Variants in SLC24A2 observed in about 807,000 individuals in gnomAD.
SLC24A2 encodes sodium/potassium/calcium exchanger 2.
A neutral mutation model predicts 62.0 loss-of-function variants in SLC24A2; 36 were observed. The ratio of observed to expected loss-of-function variants is 0.58; its 90% CI spans 0.44 to 0.77. The LOEUF is 0.77. SLC24A2 is among the 30% of genes least tolerant of loss of function. The pLI, the probability that SLC24A2 is intolerant of heterozygous loss-of-function variation, is 0.00. For missense variants in SLC24A2, 846 were observed against 817.9 expected, an observed-to-expected ratio of 1.03 and a Z score of -0.42; for synonymous variants, 358 against 294.0, an observed-to-expected ratio of 1.22 and a Z score of -2.23.
the SLC24A2 span, among the ~76,000 whole-genome samples, chr9:19,910,528 G>A: frequency 6.6e-6 from 1 of 152,066 alleles, no homozygotes; most frequent in South Asian, 2.1e-4. Context: ...GTTCCTCAGT[G>A]GGGCCTCATA....
the SLC24A2 span, among the ~76,000 whole-genome samples, chr9:20,200,928 T>C: frequency 1.3e-5 from 2 of 152,218 alleles, no homozygotes; most frequent in African/African-American, 4.8e-5. Flanking sequence ...CTGTAGCTCA[T>C]TATATTTGAG....
chr9:19,661,175 C>G (rs1177514691), intron 2 of SLC24A2, among the ~76,000 whole-genome samples: 1 of 151,224 alleles, frequency 6.6e-6, no homozygotes, highest in Non-Finnish European at 1.5e-5. Context: ...CTTGCCATTA[C>G]CAGCACTTAG....
At chr9:19,892,881 A>G in the SLC24A2 span, among the ~76,000 whole-genome samples, 69 of 152,280 alleles carry the variant, frequency 4.5e-4, no homozygotes, top group African/African-American at 1.6e-3. Context: ...GTGCTTCTCC[A>G]AGGGCTGAAA....
the SLC24A2 span, among the ~76,000 whole-genome samples, chr9:20,152,560 A>T: frequency 1.3e-5 from 2 of 151,902 alleles, no homozygotes; most frequent in African/African-American, 4.8e-5. Flanking sequence ...ATGGAGTGCT[A>T]ACCTTCTTGC....
chr9:19,854,295 T>C, the SLC24A2 span, among the ~76,000 whole-genome samples: 7 of 152,196 alleles, frequency 4.6e-5, no homozygotes, highest in African/African-American at 1.7e-4. Flanking sequence ...TTCATGTCTC[T>C]ATCTCCTTCA....
the SLC24A2 span, among the ~76,000 whole-genome samples, chr9:19,894,334 A>T: frequency 6.6e-6 from 1 of 152,212 alleles, no homozygotes; most frequent in Non-Finnish European, 1.5e-5. Flanking sequence ...TCTGAGACAC[A>T]TGCTATAGGC....
chr9:19,562,951 A>T (rs920174307), intron 7 of SLC24A2, among the ~76,000 whole-genome samples: 7 of 152,140 alleles, frequency 4.6e-5, no homozygotes, highest in African/African-American at 1.4e-4. Context: ...AAAAGATTTT[A>T]AAAAATTAAC....
chr9:20,094,086 T>C, the SLC24A2 span, among the ~76,000 whole-genome samples: 2 of 152,236 alleles, frequency 1.3e-5, no homozygotes, highest in African/African-American at 4.8e-5. Flanking sequence ...TGTTGATATT[T>C]GGACTGATAG....
At chr9:20,105,348 C>T in the SLC24A2 span, among the ~76,000 whole-genome samples, 1 of 152,118 alleles carries the variant, frequency 6.6e-6, no homozygotes, top group Non-Finnish European at 1.5e-5. Flanking sequence ...CCAAGCGGAC[C>T]TAATAGACAT....
At chr9:20,274,220 G>C in the SLC24A2 span, among the ~76,000 whole-genome samples, 94 of 152,266 alleles carry the variant, frequency 6.2e-4, no homozygotes, top group Admixed American at 1.4e-3. Flanking sequence ...GTGGCTTCAA[G>C]GACTATGGAT....
the SLC24A2 span, among the ~76,000 whole-genome samples, chr9:20,122,730 AT>A: frequency 6.6e-6 from 1 of 152,062 alleles, no homozygotes; most frequent in Non-Finnish European, 1.5e-5. Flanking sequence ...CTACTTCTTA[AT>A]TTTTGACTTA....
the SLC24A2 span, among the ~76,000 whole-genome samples, chr9:20,181,786 G>T: frequency 6.6e-6 from 1 of 152,096 alleles, no homozygotes; most frequent in Non-Finnish European, 1.5e-5. Context: ...TTGACAAATG[G>T]GATCTAATTA....
intron 7 of SLC24A2, among the ~76,000 whole-genome samples, chr9:19,558,709 T>C (rs1051782960): frequency 2.0e-5 from 3 of 152,230 alleles, no homozygotes; most frequent in East Asian, 3.8e-4. Context: ...ATGAGAAGAA[T>C]ATGCACAACA....
intron 4 of SLC24A2, among the ~76,000 whole-genome samples, chr9:19,610,444 T>C (rs749169319): frequency 2.0e-5 from 3 of 152,024 alleles, no homozygotes; most frequent in Non-Finnish European, 2.9e-5. Context: ...CTGGGGAATG[T>C]AATAAAGGAA....
the SLC24A2 span, among the ~76,000 whole-genome samples, chr9:20,094,179 T>C: frequency 6.6e-6 from 1 of 152,160 alleles, no homozygotes; most frequent in Non-Finnish European, 1.5e-5. Context: ...ATTTGACAAA[T>C]GGGAAATACT....
intron 8 of SLC24A2, among the ~76,000 whole-genome samples, chr9:19,547,895 G>GA (rs1834662796): frequency 6.6e-6 from 1 of 151,740 alleles, no homozygotes; most frequent in Non-Finnish European, 1.5e-5. Context: ...AGTGTGGTGT[G>GA]AGCCAAGAAA....
the SLC24A2 span, among the ~76,000 whole-genome samples, chr9:19,807,929 C>T: frequency 6.6e-6 from 1 of 152,166 alleles, no homozygotes; most frequent in Admixed American, 6.5e-5. Flanking sequence ...AACATCTTAT[C>T]TTTAAGGTAT....
the SLC24A2 span, among the ~76,000 whole-genome samples, chr9:20,131,896 G>C: frequency 6.6e-6 from 1 of 152,090 alleles, no homozygotes; most frequent in African/African-American, 2.4e-5. Context: ...GTAGCTAATG[G>C]GGTGCATAAT....
chr9:19,955,239 A>G, the SLC24A2 span, among the ~76,000 whole-genome samples: 1 of 152,276 alleles, frequency 6.6e-6, no homozygotes, highest in African/African-American at 2.4e-5. Context: ...ATTTAAAGAG[A>G]TAAAGTTATT....
Sources: allele counts gnomAD v4.1 joint callset (sites outside exome capture counted in the v4.1 genomes callset), GRCh38; gene constraint gnomAD v4.1.1; transcripts MANE v1.5; gene names NCBI Gene and HGNC (gene_info 2026-07-23, HGNC 2026-07-21).